TGFA: variants seen among roughly 807,000 people sequenced by gnomAD.
TGFA encodes the protein transforming growth factor alpha, also known as protransforming growth factor alpha.
A neutral mutation model predicts 21.7 loss-of-function variants in TGFA; 12 were observed. The observed-to-expected ratio is 0.55, with a 90% CI of 0.35 to 0.90. TGFA has a LOEUF of 0.90. TGFA is among the 40% of genes least tolerant of loss of function. TGFA has a pLI of 0.01. For missense variants in TGFA, 178 were observed against 210.8 expected, an observed-to-expected ratio of 0.84 and a Z score of 0.96; for synonymous variants, 79 against 88.1, an observed-to-expected ratio of 0.90 and a Z score of 0.58.
At chr2:70,527,512 A>G (rs533944618) in intron 1 of TGFA, among the ~76,000 whole-genome samples, 1 of 152,324 alleles carries the variant, frequency 6.6e-6, no homozygotes, top group South Asian at 2.1e-4. Context: ...ACAATACTAT[A>G]ATGGTGGGTA....
At position 70,553,731 on chromosome 2, in the gene TGFA, G is replaced by C; in HGVS notation, c.37C>G (p.Leu13Val). ...GCGCCGCAGCCGGCGTACGTACCCAGAGCGAACAGGGCGAGCTGTCCAGCC... is the reference window on the plus strand; with the variant it reads ...GCGCCGCAGCCGGCGTACGTACCCACAGCGAACAGGGCGAGCTGTCCAGCC... The part of the protein sequence containing the change: ...PSAGQLALFA[L>V]GIVLAACQAL... Residue 13 changes from leucine to valine, a missense_variant, in exon 1 of 6, where the codon CTG becomes GTG. Transcript: ENST00000295400. 7.5e-7 allele frequency: 1 copy of C among 1,333,406 alleles called. No homozygotes were observed. The highest frequency in any genetic ancestry group is 1.5e-5 in the African/African-American group (1 of 65,928). The allele number at this position is 1,333,406 out of a possible 1,614,324, so 82.6% of individuals were successfully genotyped here. A position where few individuals can be genotyped will look rare whatever the true frequency, so the allele number is the denominator to read the frequency against.
chr2:70,505,985 TA>T (rs781825322), intron 2 of TGFA, among the ~76,000 whole-genome samples: 1 of 152,140 alleles, frequency 6.6e-6, no homozygotes, highest in Non-Finnish European at 1.5e-5. Flanking sequence ...CTCACTGGAT[TA>T]AAATAGCTGC....
intron 2 of TGFA, among the ~76,000 whole-genome samples, chr2:70,505,157 G>A (rs1316027375): frequency 6.6e-6 from 1 of 152,104 alleles, no homozygotes; most frequent in Non-Finnish European, 1.5e-5. Context: ...TCTCATAGCA[G>A]CTTTTGACCA....
chr2:70,514,812 G>A (rs782087743), intron 2 of TGFA, 47 bp downstream of exon 2: 20 of 1,602,140 alleles, frequency 1.2e-5, no homozygotes, highest in South Asian at 1.1e-4. Context: ...CAGCAGGCCC[G>A]CTCCCTTCCC....
intron 2 of TGFA, among the ~76,000 whole-genome samples, chr2:70,492,592 T>A (rs782349885): frequency 6.6e-6 from 1 of 152,236 alleles, no homozygotes; most frequent in African/African-American, 2.4e-5. Flanking sequence ...GACTGTCTGG[T>A]GATTCAGGCC....
rs34718507 is a variant in TGFA at position 70,551,706 on chromosome 2, CTT to C, written c.40+2020_40+2021del. Among the ~76,000 whole-genome samples, 3 of 149,472 alleles carry C rather than the reference CTT, an allele frequency of 2.0e-5. No individual in the cohort carries two copies. The East Asian group carries it at 5.9e-4, about 29-fold the overall frequency. On this transcript the variant is annotated intron_variant, in intron 1 of 5. Coordinates refer to ENST00000295400, the MANE Select transcript of TGFA (RefSeq NM_003236.4). ...CCTCACTGGTGTAAATTACTCCTGC[CTT>C]TTTTTTTTCTCCACTTTTTTCAACT...
chr2:70,504,483 T>TACACACACACAC, intron 2 of TGFA, among the ~76,000 whole-genome samples: 1 of 92,066 alleles, frequency 1.1e-5, no homozygotes, highest in South Asian at 3.8e-4. Context: ...CATACATACA[T>TACACACACACAC]ACACACACAC....
intron 1 of TGFA, chr2:70,553,138 A>C: frequency 2.0e-6 from 3 of 1,525,920 alleles, no homozygotes; most frequent in Non-Finnish European, 2.6e-6. Flanking sequence ...CTCCCAGGGA[A>C]GTTAATTAAA....
chr2:70,521,794 T>C (rs1312302322), intron 1 of TGFA, among the ~76,000 whole-genome samples: 5 of 152,006 alleles, frequency 3.3e-5, no homozygotes, highest in African/African-American at 1.2e-4. Flanking sequence ...TTTGTAGTTT[T>C]AGTAGAGACG....
rs11466250 is a variant in TGFA at position 70,465,354 on chromosome 2, T to C, written c.215+262A>G. Among the ~76,000 whole-genome samples the C allele has an allele frequency of 2.3e-3, 355 of 152,300 alleles. 1 individual carries two copies. The highest frequency in any genetic ancestry group is 8.2e-3 in the African/African-American group (340 of 41,550). On this transcript the variant is annotated intron_variant, in intron 3 of 5. Transcript: ENST00000295400. ...TGCTAAACCCATGAGTGACCTGAGATGCTTGTTAAAAATGCAGGGCCCCAG... is the reference window on the plus strand; with the variant it reads ...TGCTAAACCCATGAGTGACCTGAGACGCTTGTTAAAAATGCAGGGCCCCAG...
chr2:70,511,601 C>T (rs1262128026), intron 2 of TGFA, among the ~76,000 whole-genome samples: 3 of 151,606 alleles, frequency 2.0e-5, no homozygotes, highest in African/African-American at 7.3e-5. Context: ...AAGGAATCAT[C>T]ATTGCCTTTC....
intron 2 of TGFA, among the ~76,000 whole-genome samples, chr2:70,500,864 T>C (rs981832083): frequency 6.6e-6 from 1 of 152,198 alleles, no homozygotes; most frequent in Non-Finnish European, 1.5e-5. Context: ...CCATAGGTTG[T>C]CTCTTCACAC....
intron 1 of TGFA, among the ~76,000 whole-genome samples, chr2:70,529,085 T>C (rs1553503331): frequency 6.6e-6 from 1 of 152,216 alleles, no homozygotes; most frequent in Non-Finnish European, 1.5e-5. Context: ...TTTTATGGTA[T>C]GTATGTCTGT....
intron 2 of TGFA, among the ~76,000 whole-genome samples, chr2:70,498,565 G>A (rs2103806120): frequency 6.6e-6 from 1 of 152,318 alleles, no homozygotes; most frequent in Admixed American, 6.5e-5. Context: ...AAGTTAAGTG[G>A]AGGGGAGGGG....
intron 1 of TGFA, among the ~76,000 whole-genome samples, chr2:70,549,430 C>G (rs534936870): frequency 2.0e-5 from 3 of 152,156 alleles, no homozygotes; most frequent in Non-Finnish European, 4.4e-5. Context: ...CAGCAACATA[C>G]GCCACACCTG....
chr2:70,547,666 C>T (rs1424056603), intron 1 of TGFA, among the ~76,000 whole-genome samples: 5 of 148,396 alleles, frequency 3.4e-5, no homozygotes. Context: ...AGAATAGATA[C>T]TTACACTATC....
At chr2:70,529,057 C>A (rs1553503321) in intron 1 of TGFA, among the ~76,000 whole-genome samples, 1 of 152,232 alleles carries the variant, frequency 6.6e-6, no homozygotes, top group Non-Finnish European at 1.5e-5. Flanking sequence ...TTGTTGCCAG[C>A]ACTGTTACAA....
intron 2 of TGFA, among the ~76,000 whole-genome samples, chr2:70,504,450 A>ATATATATATATATG (rs1559123958): frequency 3.6e-4 from 26 of 71,970 alleles, no homozygotes; most frequent in African/African-American, 2.6e-3. Context: ...ATATATATAT[A>ATATATATATATATG]TATATATATA....
chr2:70,473,515 G>A (rs1251488231), intron 2 of TGFA, among the ~76,000 whole-genome samples: 4 of 151,830 alleles, frequency 2.6e-5, no homozygotes, highest in Non-Finnish European at 4.4e-5. Flanking sequence ...CTGATCGACA[G>A]GGGCATTTCC....
Sources: allele counts gnomAD v4.1 joint callset (sites outside exome capture counted in the v4.1 genomes callset), GRCh38; gene constraint gnomAD v4.1.1; transcripts MANE v1.5; gene names NCBI Gene and HGNC (gene_info 2026-07-23, HGNC 2026-07-21).